TSHZ2: variants seen among roughly 807,000 people sequenced by gnomAD.
The protein encoded by TSHZ2 is teashirt homolog 2.
Under a neutral mutation model 74.4 loss-of-function variants are expected in TSHZ2, and 21 were observed. The ratio of observed to expected loss-of-function variants is 0.28; its 90% confidence interval spans 0.20 to 0.41. The LOEUF (loss-of-function observed/expected upper bound fraction) is 0.41. Ranked by LOEUF, TSHZ2 falls within the 10% of genes least tolerant of loss-of-function variation. The probability of loss-of-function intolerance (pLI) is 1.00; values close to 1 mark genes in which losing one functional copy is unlikely to be tolerated. For missense variants in TSHZ2, 1,244 were observed against 1,293.5 expected (o/e 0.96, Z 0.59); for synonymous variants, 540 against 515.3 (o/e 1.05, Z -0.65).
intron 2 of TSHZ2, among the ~76,000 whole-genome samples, chr20:53,370,239 A>G (rs1981418537): frequency 6.6e-6 from 1 of 152,120 alleles, no homozygotes; most frequent in African/African-American, 2.4e-5. Flanking sequence ...AAGGACATGG[A>G]AAGCCTGAGA....
intron 1 of TSHZ2, among the ~76,000 whole-genome samples, chr20:53,247,940 A>T (rs1255943472): frequency 6.6e-6 from 1 of 152,236 alleles, no homozygotes; most frequent in Non-Finnish European, 1.5e-5. Flanking sequence ...AGAAACGTAT[A>T]CCTAGCAAAA....
chr20:53,070,998 G>C (rs1417049294), intron 1 of TSHZ2, among the ~76,000 whole-genome samples: 1 of 152,122 alleles, frequency 6.6e-6, no homozygotes, highest in Non-Finnish European at 1.5e-5. Flanking sequence ...TTGAGGGATG[G>C]GGAAGTTTCA....
At chr20:53,314,304 A>C (rs568221637) in intron 2 of TSHZ2, among the ~76,000 whole-genome samples, 14 of 152,094 alleles carry the variant, frequency 9.2e-5, no homozygotes, top group African/African-American at 3.1e-4. Flanking sequence ...AAAAAAAAGA[A>C]AGAAAGAAAT....
At chr20:53,019,254 T>C (rs1007100116) in intron 1 of TSHZ2, among the ~76,000 whole-genome samples, 33 of 152,192 alleles carry the variant, frequency 2.2e-4, no homozygotes, top group African/African-American at 7.7e-4. Flanking sequence ...CTGGGTTTTT[T>C]TTTTTTTCTT....
rs986725339 is a variant in TSHZ2, at chr20:53,271,117, C to T, written c.*8+14546C>T. 5.9e-5 allele frequency among the ~76,000 whole-genome samples: 9 copies of T among 152,272 alleles called. No homozygotes were observed. The East Asian group carries it at 9.6e-4, about 16-fold the overall frequency. ...GAGGCCTTTGTAAGTGGAGGGGAGA[C>T]CTGATATGCAGTCTCCAGAGACAGG... On this transcript the variant is annotated intron_variant, in intron 2 of 2. Coordinates refer to ENST00000371497, the MANE Select transcript of TSHZ2 (RefSeq NM_173485.6).
intron 1 of TSHZ2, among the ~76,000 whole-genome samples, chr20:53,184,571 C>T (rs1988558101): frequency 6.6e-6 from 1 of 152,154 alleles, no homozygotes; most frequent in Non-Finnish European, 1.5e-5. Flanking sequence ...AACATCAGTG[C>T]CTACTTCCAG....
At chr20:52,980,698 T>C (rs1012642064) in intron 1 of TSHZ2, among the ~76,000 whole-genome samples, 1 of 152,166 alleles carries the variant, frequency 6.6e-6, no homozygotes, top group South Asian at 2.1e-4. Flanking sequence ...CTATTTGTAA[T>C]GAATTTGAAA....
intron 2 of TSHZ2, among the ~76,000 whole-genome samples, chr20:53,386,137 C>A (rs765307606): frequency 1.3e-4 from 20 of 152,206 alleles, no homozygotes; most frequent in Non-Finnish European, 2.5e-4. Context: ...GCCTGAGAGC[C>A]TCAGCTGCAA....
At chr20:53,143,323 GC>G (rs1987455191) in intron 1 of TSHZ2, among the ~76,000 whole-genome samples, 3 of 152,182 alleles carry the variant, frequency 2.0e-5, no homozygotes, top group Admixed American at 2.0e-4. Context: ...ATGGCTGACA[GC>G]CGGAAGGTAA....
intron 2 of TSHZ2, among the ~76,000 whole-genome samples, chr20:53,362,386 G>C (rs935635594): frequency 3.3e-5 from 5 of 150,632 alleles, no homozygotes; most frequent in Middle Eastern, 3.6e-3. Context: ...GGGTTTCGCT[G>C]TGTTAGCCAG....
chr20:53,447,925 T>C (rs1448201275), intron 2 of TSHZ2, among the ~76,000 whole-genome samples: 1 of 151,570 alleles, frequency 6.6e-6, no homozygotes, highest in Non-Finnish European at 1.5e-5. Context: ...TTTTTTTTTT[T>C]TTTTTTGAGA....
At chr20:53,200,224 C>T (rs1264876560) in intron 1 of TSHZ2, among the ~76,000 whole-genome samples, 1 of 152,104 alleles carries the variant, frequency 6.6e-6, no homozygotes, top group Non-Finnish European at 1.5e-5. Flanking sequence ...TGGGAACTTG[C>T]CATCTTGCCT....
At chr20:53,008,639 A>G (rs1982732870) in intron 1 of TSHZ2, among the ~76,000 whole-genome samples, 1 of 152,070 alleles carries the variant, frequency 6.6e-6, no homozygotes, top group African/African-American at 2.4e-5. Context: ...AAGCAGCAGA[A>G]TATTAAGTCA....
At chr20:53,144,082 A>G (rs1027081579) in intron 1 of TSHZ2, among the ~76,000 whole-genome samples, 18 of 152,210 alleles carry the variant, frequency 1.2e-4, no homozygotes, top group African/African-American at 3.9e-4. Context: ...CAGTTTATCC[A>G]TCTGGGTGGT....
intron 1 of TSHZ2, among the ~76,000 whole-genome samples, chr20:53,056,701 A>G (rs2123150718): frequency 6.6e-6 from 1 of 152,258 alleles, no homozygotes; most frequent in African/African-American, 2.4e-5. Flanking sequence ...TTGTCACCTC[A>G]TGCATTTTAC....
intron 1 of TSHZ2, among the ~76,000 whole-genome samples, chr20:53,041,550 A>G (rs1209735815): frequency 1.3e-5 from 2 of 152,192 alleles, no homozygotes; most frequent in Non-Finnish European, 2.9e-5. Flanking sequence ...TAAAGGGGAC[A>G]GTTTCTCAAG....
chr20:53,470,007 G>A (rs1446246130), intron 2 of TSHZ2, among the ~76,000 whole-genome samples: 1 of 152,268 alleles, frequency 6.6e-6, no homozygotes, highest in Non-Finnish European at 1.5e-5. Flanking sequence ...CAACCGTTCT[G>A]AGGTTTGATA....
At chr20:53,170,317 A>T (rs1182491935) in intron 1 of TSHZ2, among the ~76,000 whole-genome samples, 4 of 152,258 alleles carry the variant, frequency 2.6e-5, no homozygotes, top group African/African-American at 9.6e-5. Context: ...TGCAGCCTGT[A>T]TCTACTGTAA....
chr20:52,982,301 C>T (rs998895950), intron 1 of TSHZ2, among the ~76,000 whole-genome samples: 28 of 152,236 alleles, frequency 1.8e-4, no homozygotes, highest in Non-Finnish European at 3.7e-4. Context: ...TTATTATGAT[C>T]GTTTATCTAG....
Sources: gnomAD v4.1 joint callset for allele counts (sites outside exome capture counted in the v4.1 genomes callset) on GRCh38, gnomAD v4.1.1 for gene constraint, MANE v1.5 for transcripts, NCBI Gene and HGNC (gene_info 2026-07-23, HGNC 2026-07-21) for gene names.